The following KIF7 variants were observed in gnomAD, a reference collection of about 807,000 sequenced individuals.
KIF7 encodes kinesin family member 7, also known as kinesin-like protein KIF7.
A neutral mutation model predicts 135.7 loss-of-function variants in KIF7; 104 were observed. That is an observed-to-expected ratio of 0.77 (90% confidence interval 0.65 to 0.90). KIF7 has a LOEUF of 0.90. KIF7 is among the 40% of genes least tolerant of loss of function. The pLI is 0.00. For synonymous variants in KIF7, 883 were observed against 809.4 expected, an observed-to-expected ratio of 1.09 and a Z score of -1.54; for missense variants, 2,005 against 1,839.1, an observed-to-expected ratio of 1.09 and a Z score of -1.65.
chr15:89,650,090 C>A, intron 2 of KIF7, 149 bp from the exon 3 acceptor site: 1 of 797,030 alleles, frequency 1.3e-6, no homozygotes, highest in Non-Finnish European at 2.1e-6. Context: ...GGACAGGTGG[C>A]CTGAGCTTGG....
intron 11 of KIF7, 90 bp from the exon 12 acceptor site, chr15:89,633,973 A>G (rs1963745899): frequency 1.4e-6 from 2 of 1,386,120 alleles, no homozygotes; most frequent in African/African-American, 1.4e-5. Flanking sequence ...AGGCAGATAG[A>G]GGGCAAATGG....
rs749711306 is a variant in KIF7 at position 89,633,169 on chromosome 15, C to G, written c.2690G>C (p.Gly897Ala). 6.9e-6 allele frequency: 11 copies of G among 1,603,992 alleles called. 1 individual carries two copies. In the South Asian group the frequency reaches 9.9e-5, roughly 14 times the overall value. ...CTGCTGTTCCAGGCTGACCACAGAG[C>G]CGTTGCTGCCACTGCGCCTCTTCCT... ...FQRKRRSGSN[G>A]SVVSLEQQQK... The change falls in exon 13 of 19, where the codon GGC (glycine) becomes GCC (alanine). Residue 897 changes from glycine (G) to alanine (A), a missense_variant. By Grantham distance (60) the Gly-to-Ala change is moderately conservative. Transcript: ENST00000394412.
chr15:89,646,983 C>A lies in KIF7; in HGVS notation c.1635G>T (p.Trp545Cys). The change falls in exon 7 of 19, where the codon TGG becomes TGT. Residue 545 changes from tryptophan to cysteine, a missense_variant. Physicochemically the swap from Trp to Cys is radical, Grantham distance 215. Coordinates refer to ENST00000394412, the MANE Select transcript of KIF7 (RefSeq NM_198525.3). ...RLRLELVRPG[W>C]GGPRLLNGLP... ...GGCCATTCAGGAGCCGCGGGCCCCC[C>A]CAGCCTGGCCGCACCAGCTCTAACC... The A allele has an allele frequency of 4.3e-6, 7 of 1,613,172 alleles. No homozygotes were observed. The highest frequency in any genetic ancestry group is 1.1e-5 in the South Asian group (1 of 91,022).
At chr15:89,618,236 A>G in intron 1 of KIF7, 1 of 1,604,700 alleles carries the variant, frequency 6.2e-7, no homozygotes, top group Non-Finnish European at 8.5e-7. Context: ...TTTTGTTTTT[A>G]ATGCAATCTA....
Position 89,636,275 on chromosome 15 carries a change from G to A in KIF7, c.2395-2392C>T, listed in dbSNP as rs1452889378. Among the ~76,000 whole-genome samples, 8 of 151,040 alleles carry A rather than the reference G, an allele frequency of 5.3e-5. No homozygotes were observed. In the South Asian group the frequency reaches 8.5e-4, roughly 16 times the overall value. ...CTAGGAAGAAACTGCATGAACTAAC[G>A]AGCAAAATAACCAGCTAACATCATA... On this transcript the variant is annotated intron_variant, in intron 11 of 18. Coordinates refer to ENST00000394412, the MANE Select transcript of KIF7 (RefSeq NM_198525.3).
rs756141827 is a variant in KIF7, at chr15:89,619,731, C to G, written c.181-1536G>C. 5.0e-6 allele frequency: 8 copies of G among 1,612,444 alleles called. No individual in the cohort carries two copies. In the East Asian group the frequency reaches 6.7e-5, roughly 13 times the overall value. On this transcript the variant is annotated intron_variant and NMD_transcript_variant, in intron 1 of 2. Transcript: ENST00000558928. Reference sequence around the variant, plus strand: ...AGAAATAAGTCTGAGACGAAGTCCTCGAATCAAGCAGTTGTCATTTAGCAG... The same window carrying G: ...AGAAATAAGTCTGAGACGAAGTCCTGGAATCAAGCAGTTGTCATTTAGCAG...
In KIF7 at chr15:89,631,267, C is replaced by G. The variant is rs192845547; in HGVS notation, c.3111+228G>C. On this transcript the variant is annotated intron_variant, in intron 15 of 18. Coordinates refer to ENST00000394412, the MANE Select transcript of KIF7 (RefSeq NM_198525.3). ...AGTCCAGGCTCCAGCCAGAAGAGAG[C>G]TGAGAGGTCAGCACAGCCTGGCCCC... is the stretch of plus-strand genomic sequence containing the variant. Among the ~76,000 whole-genome samples the G allele has an allele frequency of 3.2e-4, 49 of 152,364 alleles. 1 individual carries two copies. The East Asian group carries it at 9.5e-3, about 29-fold the overall frequency.
intron 1 of KIF7, among the ~76,000 whole-genome samples, chr15:89,654,958 C>T (rs996787334): frequency 6.6e-6 from 1 of 152,262 alleles, no homozygotes; most frequent in Non-Finnish European, 1.5e-5. Context: ...GAGCCCGGTG[C>T]AGTCCCGGCT....
chr15:89,638,000 G>C (rs111251111), intron 11 of KIF7, among the ~76,000 whole-genome samples: 1 of 119,156 alleles, frequency 8.4e-6, no homozygotes, highest in African/African-American at 3.0e-5. Context: ...TCCCTGGGAT[G>C]CAAGGCTGGT....
At chr15:89,627,168 G>A (rs1353667380), downstream of KIF7, 3 of 1,549,538 alleles carry the variant, frequency 1.9e-6, no homozygotes, top group Non-Finnish European at 1.8e-6. Context: ...CTGGTCCCAA[G>A]CCTCTTTTGC....
chr15:89,655,151 C>A (rs908258314), intron 1 of KIF7, among the ~76,000 whole-genome samples: 1 of 152,228 alleles, frequency 6.6e-6, no homozygotes, highest in African/African-American at 2.4e-5. Flanking sequence ...CCTTGGCGCT[C>A]GCCCCTCCAC....
upstream of KIF7, among the ~76,000 whole-genome samples, chr15:89,655,954 C>T (rs934179771): frequency 6.6e-6 from 1 of 152,190 alleles, no homozygotes; most frequent in Non-Finnish European, 1.5e-5. Context: ...TCCACGGCAG[C>T]CTCAAAGAGA....
chr15:89,623,646 ATC>A (rs1377092392), downstream of KIF7: 1 of 1,608,124 alleles, frequency 6.2e-7, no homozygotes, highest in Non-Finnish European at 8.5e-7. Context: ...GTCACCAGAA[ATC>A]TCTGAGCTTT....
rs1231255475 is a variant in KIF7, at chr15:89,631,515, C to T, written c.3091G>A (p.Gly1031Arg). 3.8e-6 allele frequency: 6 copies of T among 1,580,298 alleles called. No individual in the cohort carries two copies. Among genetic ancestry groups the T allele is most frequent in the Non-Finnish European group, 5.2e-6 (6 of 1,162,772 alleles). Residue 1031 changes from glycine to arginine, a missense_variant, in exon 15 of 19, where the codon GGG (glycine) becomes AGG (arginine). Coordinates refer to ENST00000394412, the MANE Select transcript of KIF7 (RefSeq NM_198525.3). Reference sequence around the variant, plus strand: ...GGTACCTCGGGGGACAGCAGACTCCCCTGCCTCAGCTTGCCGTCGATCTCC... The same window carrying T: ...GGTACCTCGGGGGACAGCAGACTCCTCTGCCTCAGCTTGCCGTCGATCTCC... ...RLEIDGKLRQ[G>R]SLLSPEEERT...
chr15:89,660,952 A>G, the KIF7 span, among the ~76,000 whole-genome samples: 1 of 152,196 alleles, frequency 6.6e-6, no homozygotes, highest in Non-Finnish European at 1.5e-5. Context: ...GAACCCATGC[A>G]CAGCCTGGAG....
Position 89,646,883 on chromosome 15 carries a change from C to T in KIF7, c.1735G>A (p.Val579Met), listed in dbSNP as rs531366745. The T allele has an allele frequency of 2.5e-6, 4 of 1,614,102 alleles. No homozygotes were observed. In the Admixed American group the frequency reaches 5.0e-5, roughly 20 times the overall value. Residue 579 changes from valine to methionine, a missense_variant, in exon 7 of 19, where the codon GTG (valine) becomes ATG (methionine). Transcript: ENST00000394412. ...GGAHAHVLGM[V>M]PPACLPGDEV... Reference sequence around the variant, plus strand: ...TCTCCAGGGAGGCAGGCAGGCGGCACCATGCCCAGCACATGGGCGTGGGCA... The same window carrying T: ...TCTCCAGGGAGGCAGGCAGGCGGCATCATGCCCAGCACATGGGCGTGGGCA...
rs374237716 is a variant in KIF7, at chr15:89,635,099, G to C, written c.2395-1216C>G. 4.0e-5 allele frequency among the ~76,000 whole-genome samples: 6 copies of C among 151,860 alleles called. No individual in the cohort carries two copies. In the East Asian group the frequency reaches 1.2e-3, roughly 29 times the overall value. ...CCTCACACGGCCGGGTACTCCAACA[G>C]ACCTGCAGCTGAGGGTCCTGTATGT... On this transcript the variant is annotated intron_variant, in intron 11 of 18. Transcript: ENST00000394412.
rs1396213606 is a variant in KIF7 at position 89,647,697 on chromosome 15, G to T, written c.1459C>A (p.Gln487Lys). 8 of 1,581,888 alleles carry T rather than the reference G, an allele frequency of 5.1e-6. No homozygotes were observed. The highest frequency in any genetic ancestry group is 6.9e-6 in the Non-Finnish European group (8 of 1,166,136). ...TGGTTCTGCAGGGTCAGCAGCTGCT[G>T]CGCCCCCTCATCCTCCTATAGGGCA... ...AGGRKEDEGA[Q>K]QLLTLQNQVA... The change falls in exon 6 of 19, where the codon CAG (glutamine) becomes AAG (lysine). Residue 487 changes from glutamine (Q) to lysine (K), a missense_variant. By Grantham distance (53) the Gln-to-Lys change is moderately conservative (BLOSUM62 1). Transcript: ENST00000394412.
downstream of KIF7, chr15:89,627,172 CT>C: frequency 6.5e-7 from 1 of 1,541,438 alleles, no homozygotes; most frequent in Non-Finnish European, 8.9e-7. Flanking sequence ...TCCCAAGCCT[CT>C]TTTGCCATGG....
Sources: allele counts gnomAD v4.1 joint callset (sites outside exome capture counted in the v4.1 genomes callset), GRCh38; gene constraint gnomAD v4.1.1; transcripts MANE v1.5; gene names NCBI Gene and HGNC (gene_info 2026-07-23, HGNC 2026-07-21).